Variants in WIPI2 observed in about 807,000 individuals in gnomAD.
WIPI2 encodes the protein WD repeat domain phosphoinositide-interacting protein 2.
In WIPI2, 28 loss-of-function variants were observed where a neutral mutation model predicts 52.3. The observed-to-expected ratio is 0.54, with a 90% CI of 0.40 to 0.73. WIPI2 has a LOEUF of 0.73. Ranked by LOEUF, WIPI2 falls within the 30% of genes least tolerant of loss-of-function variation. The probability of loss-of-function intolerance (pLI) is 0.00; values close to 1 mark genes in which losing one functional copy is unlikely to be tolerated. For synonymous variants in WIPI2, 268 were observed against 245.0 expected (o/e 1.09, Z -0.88); for missense variants, 506 against 602.9 (o/e 0.84, Z 1.68).
At chr7:5,225,542 G>A (rs941784536) in intron 8 of WIPI2, among the ~76,000 whole-genome samples, 20 of 152,116 alleles carry the variant, frequency 1.3e-4, no homozygotes, top group African/African-American at 4.6e-4. Flanking sequence ...ACTCACCTTA[G>A]GACTATAAAT....
chr7:5,227,207 C>T lies in WIPI2; in HGVS notation c.876C>T (p.Thr292=), dbSNP rs780846427. ...CCCCAGAGGAGCCCACCACCTGGAC[C>T]GGGTACTTCGGGAAAGTGCTCATGG... The part of the protein sequence containing the change: ...EKPPEEPTTW[T]GYFGKVLMAS... The change falls in exon 10 of 13, where the codon ACC becomes ACT. Residue 292 remains threonine, a synonymous_variant. Coordinates refer to ENST00000288828, the MANE Select transcript of WIPI2 (RefSeq NM_015610.4). This position sits in a 1 kb window ranked among gnomAD's most constrained non-coding sequence, Gnocchi z 8.1. 36 of 1,613,890 alleles carry T rather than the reference C, an allele frequency of 2.2e-5. No homozygotes were observed. Among genetic ancestry groups the T allele is most frequent in the South Asian group, 2.1e-4 (19 of 91,088 alleles).
At chr7:5,202,260 C>T (rs1404576368) in intron 3 of WIPI2, among the ~76,000 whole-genome samples, 1 of 152,192 alleles carries the variant, frequency 6.6e-6, no homozygotes, top group Non-Finnish European at 1.5e-5. Context: ...AAAATTCACA[C>T]ACACACACAA....
At position 5,222,676 on chromosome 7, in the gene WIPI2, A is replaced by C. The variant is rs773835729; in HGVS notation, c.740+4A>C. The stretch of plus-strand genomic sequence containing the variant: ...AGTTTCGGAGAGGAGTAAAGAGGTA[A>C]AGTACGTGAATGTCCAGAATGGATT... On this transcript the variant is annotated splice_donor_region_variant and intron_variant, in intron 8 of 12. Coordinates refer to ENST00000288828, the MANE Select transcript of WIPI2 (RefSeq NM_015610.4). The C allele has an allele frequency of 1.2e-6, 2 of 1,613,016 alleles. No homozygotes were observed.
At chr7:5,229,863 A>C (rs1215480137) in intron 12 of WIPI2, 125 bp downstream of exon 12, 2 of 1,379,654 alleles carry the variant, frequency 1.4e-6, no homozygotes, top group Non-Finnish European at 1.9e-6. Context: ...GGTTCTGAGA[A>C]CATAAGCGAG....
Position 5,230,764 on chromosome 7 carries a change from C to T in WIPI2, c.1253-71C>T. The T allele has an allele frequency of 5.2e-6, 6 of 1,159,196 alleles. No homozygotes were observed. The highest frequency in any genetic ancestry group is 1.5e-5 in the South Asian group (1 of 67,562). The allele number at this position is 1,159,196 out of a possible 1,614,324, so 71.8% of individuals were successfully genotyped here. A position where few individuals can be genotyped will look rare whatever the true frequency, so the allele number is the denominator to read the frequency against. On this transcript the variant is annotated intron_variant, in intron 12 of 12. Coordinates refer to ENST00000288828, the MANE Select transcript of WIPI2 (RefSeq NM_015610.4). This position sits in a 1 kb window ranked among gnomAD's most constrained non-coding sequence, Gnocchi z 4.8. ...TACACCAGTGTTTCCAAAACACAGT[C>T]CTCAGTGTGTGTCATGGGGTCTGTG...
chr7:5,228,294 C>A, intron 11 of WIPI2, 83 bp downstream of exon 11: 2 of 1,279,272 alleles, frequency 1.6e-6, no homozygotes, highest in South Asian at 1.4e-5. Context: ...TTGTTTATTT[C>A]CTTGCAAACC....
intron 3 of WIPI2, among the ~76,000 whole-genome samples, chr7:5,205,887 T>G: frequency 6.6e-6 from 1 of 152,046 alleles, no homozygotes; most frequent in South Asian, 2.1e-4. Context: ...CCACTGTTTT[T>G]TTTTTTTTTA....
chr7:5,193,336 C>T (rs913098784), intron 2 of WIPI2, 165 bp downstream of exon 2: 1 of 1,431,802 alleles, frequency 7.0e-7, no homozygotes, highest in African/African-American at 1.4e-5. Context: ...GATACCACAG[C>T]TTGTGGGAAG....
chr7:5,191,247 C>A (rs1298207753), intron 1 of WIPI2, among the ~76,000 whole-genome samples: 1 of 152,138 alleles, frequency 6.6e-6, no homozygotes, highest in African/African-American at 2.4e-5. Flanking sequence ...GTCTCAAATT[C>A]CTGACCTCAA....
chr7:5,226,051 C>A (rs1783414703), intron 9 of WIPI2, 121 bp downstream of exon 9: 1 of 966,032 alleles, frequency 1.0e-6, no homozygotes, highest in Non-Finnish European at 1.6e-6. Context: ...AGTGAAGACC[C>A]CGGAGCTGGC....
At chr7:5,216,436 A>G in intron 4 of WIPI2, 127 bp from the exon 5 acceptor site, 1 of 772,490 alleles carries the variant, frequency 1.3e-6, no homozygotes, top group Non-Finnish European at 2.1e-6. Flanking sequence ...TGACTCCAAA[A>G]AAATAAAATA....
At position 5,230,954 on chromosome 7, in the gene WIPI2, C is replaced by T. The variant is rs755801525; in HGVS notation, c.*7C>T. On this transcript the variant is annotated 3_prime_UTR_variant, in exon 13 of 13. Transcript: ENST00000288828. This position sits in a 1 kb window ranked among gnomAD's most constrained non-coding sequence, Gnocchi z 4.8. ...GATTCTTCGGACTGACTGAACTTGA[C>T]CTGTGACCTCTGACCCGGGGAGCAG... is the stretch of plus-strand genomic sequence containing the variant. 5 of 1,607,394 alleles carry T rather than the reference C, an allele frequency of 3.1e-6. No homozygotes were observed. In the South Asian group the frequency reaches 5.5e-5, roughly 18 times the overall value.
At position 5,193,275 on chromosome 7, in the gene WIPI2, A is replaced by G. The variant is rs923019196; in HGVS notation, c.128+104A>G. On this transcript the variant is annotated intron_variant, in intron 2 of 12. Coordinates refer to ENST00000288828, the MANE Select transcript of WIPI2 (RefSeq NM_015610.4). ...CAGTGAACCAGTTAATAAGTGGGAG[A>G]GGATCACTTGAATCTGAAATGGAAA... The G allele has an allele frequency of 1.2e-5, 19 of 1,555,140 alleles. No individual in the cohort carries two copies. In the South Asian group the frequency reaches 1.8e-4, roughly 15 times the overall value.
At chr7:5,220,383 C>T (rs1011262404) in intron 7 of WIPI2, among the ~76,000 whole-genome samples, 1 of 151,988 alleles carries the variant, frequency 6.6e-6, no homozygotes, top group African/African-American at 2.4e-5. Flanking sequence ...GCTGAGATTA[C>T]AAGCGCGCGC....
intron 3 of WIPI2, among the ~76,000 whole-genome samples, chr7:5,213,877 G>C (rs574166378): frequency 6.6e-6 from 1 of 152,190 alleles, no homozygotes; most frequent in East Asian, 1.9e-4. Context: ...AGTAGAGATG[G>C]GGTTTCACCA....
At chr7:5,216,535 G>T (rs770704604) in intron 4 of WIPI2, 28 bp from the exon 5 acceptor site, 5 of 1,606,862 alleles carry the variant, frequency 3.1e-6, no homozygotes, top group Non-Finnish European at 4.3e-6. Context: ...GTTGCTTCAC[G>T]TTTGGTTTCG....
chr7:5,193,803 C>T (rs1359753848), intron 2 of WIPI2, among the ~76,000 whole-genome samples: 2 of 152,258 alleles, frequency 1.3e-5, no homozygotes, highest in East Asian at 1.9e-4. Context: ...GTGTTGAACT[C>T]CTGGCCTCAT....
intron 7 of WIPI2, among the ~76,000 whole-genome samples, chr7:5,221,973 C>A (rs961980223): frequency 6.9e-6 from 1 of 145,900 alleles, no homozygotes; most frequent in Admixed American, 6.8e-5. Context: ...TTTCCCCCCC[C>A]GAGATGGAGT....
rs1321097845 is a variant in WIPI2 at position 5,227,122 on chromosome 7, G to C, written c.849-58G>C. On this transcript the variant is annotated intron_variant, in intron 9 of 12. Transcript: ENST00000288828. This position sits in a 1 kb window ranked among gnomAD's most constrained non-coding sequence, Gnocchi z 8.1. ...GAGCTGTGCGTCTGTGTGAGTAGGG[G>C]GTGGCCGTCCCCCCAGGGAGGGTGC... 6.2e-7 allele frequency: 1 copy of C among 1,602,642 alleles called. No homozygotes were observed. Among genetic ancestry groups the C allele is most frequent in the South Asian group, 1.1e-5 (1 of 90,180 alleles).
Sources: allele counts gnomAD v4.1 joint callset (sites outside exome capture counted in the v4.1 genomes callset), GRCh38; gene constraint gnomAD v4.1.1; non-coding constraint Gnocchi (gnomAD v3.1); transcripts MANE v1.5; gene names NCBI Gene and HGNC (gene_info 2026-07-23, HGNC 2026-07-21).